The following CDH26 variants were observed in gnomAD, a reference collection of about 807,000 sequenced individuals.
CDH26 encodes cadherin-like protein 26.
CDH26 carries 83 observed loss-of-function variants against 90.3 expected under a neutral mutation model. The ratio of observed to expected loss-of-function variants is 0.92; its 90% confidence interval spans 0.77 to 1.10. CDH26 has a LOEUF of 1.10. Ranked by LOEUF, CDH26 falls within the 50% of genes least tolerant of loss-of-function variation. The pLI is 0.00. For missense variants in CDH26, 1,013 were observed against 1,037.6 expected, an observed-to-expected ratio of 0.98 and a Z score of 0.33; for synonymous variants, 397 against 396.3, an observed-to-expected ratio of 1.00 and a Z score of -0.02.
chr20:60,015,689 T>G (rs1190604339), downstream of CDH26, among the ~76,000 whole-genome samples: 7 of 152,128 alleles, frequency 4.6e-5, no homozygotes, highest in African/African-American at 1.7e-4. Context: ...TACTCATAAG[T>G]TTTTTTACAA....
downstream of CDH26, among the ~76,000 whole-genome samples, chr20:60,017,655 T>C (rs1481782613): frequency 1.3e-5 from 2 of 152,034 alleles, no homozygotes; most frequent in Non-Finnish European, 1.5e-5. Context: ...ATTTTGGGTT[T>C]CATTTCTTCT....
Position 59,994,233 on chromosome 20 carries a change from C to T in CDH26, c.1427-17C>T, listed in dbSNP as rs1349987661. On this transcript the variant is annotated splice_polypyrimidine_tract_variant and intron_variant, in intron 10 of 17. Transcript: ENST00000348616. ...TGCACGAGATAAACAACTCCTGAAA[C>T]TTCCTCCCCATACAAGGCTTCCCAC... 3.1e-6 allele frequency: 5 copies of T among 1,613,530 alleles called. No individual in the cohort carries two copies. The highest frequency in any genetic ancestry group is 1.3e-5 in the African/African-American group (1 of 74,820).
intron 5 of CDH26, among the ~76,000 whole-genome samples, chr20:59,983,913 T>A (rs1223418445): frequency 6.6e-6 from 1 of 152,248 alleles, no homozygotes; most frequent in Non-Finnish European, 1.5e-5. Flanking sequence ...ATTTTATGGA[T>A]GTGCTTTAAA....
chr20:60,019,439 A>G (rs1189622394), downstream of CDH26, among the ~76,000 whole-genome samples: 1 of 152,144 alleles, frequency 6.6e-6, no homozygotes, highest in African/African-American at 2.4e-5. Flanking sequence ...ACTTGTCTTC[A>G]AGTTCAGAAA....
At chr20:60,007,105 T>G (rs1156602560) in intron 17 of CDH26, among the ~76,000 whole-genome samples, 1 of 152,164 alleles carries the variant, frequency 6.6e-6, no homozygotes, top group African/African-American at 2.4e-5. Flanking sequence ...CCCTGGTATC[T>G]CTTCTTATTA....
intron 17 of CDH26, among the ~76,000 whole-genome samples, chr20:60,010,183 T>TGGGGC (rs1223519265): frequency 7.9e-6 from 1 of 126,970 alleles, no homozygotes; most frequent in East Asian, 2.6e-4. Context: ...AGTCACTGGG[T>TGGGGC]GGGGCGGGGC....
At chr20:59,962,771 G>C (rs2061093339) in intron 1 of CDH26, among the ~76,000 whole-genome samples, 1 of 152,206 alleles carries the variant, frequency 6.6e-6, no homozygotes, top group Non-Finnish European at 1.5e-5. Flanking sequence ...TTGGGGTGGA[G>C]GCAGAGAAGA....
intron 1 of CDH26, among the ~76,000 whole-genome samples, chr20:59,960,533 C>A (rs760589967): frequency 6.6e-6 from 1 of 152,166 alleles, no homozygotes; most frequent in Non-Finnish European, 1.5e-5. Flanking sequence ...AACAACTTTG[C>A]ACAAAGGCCG....
intron 16 of CDH26, among the ~76,000 whole-genome samples, chr20:60,004,505 G>A (rs958030501): frequency 7.2e-5 from 11 of 152,044 alleles, no homozygotes; most frequent in African/African-American, 2.4e-4. Flanking sequence ...CGTGGCTCAC[G>A]TCTGTAATCC....
At chr20:59,976,011 T>C (rs906577228) in intron 4 of CDH26, among the ~76,000 whole-genome samples, 14 of 152,354 alleles carry the variant, frequency 9.2e-5, no homozygotes, top group African/African-American at 2.9e-4. Flanking sequence ...TCTATTTATA[T>C]CAAAATATGC....
intron 7 of CDH26, among the ~76,000 whole-genome samples, chr20:60,026,297 A>AT (rs1427784105): frequency 1.3e-5 from 2 of 151,934 alleles, no homozygotes; most frequent in African/African-American, 4.8e-5. Flanking sequence ...TAACCAGCTG[A>AT]TTGTAAAATA....
At chr20:59,980,054 C>T (rs2061377058) in intron 4 of CDH26, among the ~76,000 whole-genome samples, 2 of 152,162 alleles carry the variant, frequency 1.3e-5, no homozygotes, top group African/African-American at 2.4e-5. Flanking sequence ...CTCAGAATAA[C>T]TGAACAATTT....
intron 4 of CDH26, among the ~76,000 whole-genome samples, chr20:59,979,302 A>G (rs1290816809): frequency 1.3e-5 from 2 of 150,408 alleles, no homozygotes; most frequent in African/African-American, 2.5e-5. Context: ...AGGTTCAAGC[A>G]ATTCTCCTGC....
At chr20:59,960,845 C>T (rs2061061228) in intron 1 of CDH26, among the ~76,000 whole-genome samples, 1 of 152,206 alleles carries the variant, frequency 6.6e-6, no homozygotes, top group Non-Finnish European at 1.5e-5. Context: ...AACGACCCAG[C>T]CGTTTTTCTA....
chr20:60,017,695 T>G (rs2061917228), downstream of CDH26, among the ~76,000 whole-genome samples: 1 of 152,084 alleles, frequency 6.6e-6, no homozygotes, highest in Non-Finnish European at 1.5e-5. Flanking sequence ...GATACATTAT[T>G]AAATTGCTCA....
At chr20:60,007,601 A>C (rs1474003539) in intron 17 of CDH26, among the ~76,000 whole-genome samples, 1 of 152,172 alleles carries the variant, frequency 6.6e-6, no homozygotes, top group African/African-American at 2.4e-5. Flanking sequence ...ACTTTCTAGG[A>C]CAGCAGTGAT....
chr20:59,972,950 G>A (rs1406616260), intron 4 of CDH26, among the ~76,000 whole-genome samples: 2 of 152,200 alleles, frequency 1.3e-5, no homozygotes, highest in Non-Finnish European at 2.9e-5. Flanking sequence ...TTAAATCGGT[G>A]AAAATTGTTC....
intron 1 of CDH26, among the ~76,000 whole-genome samples, chr20:59,965,884 G>A (rs1395123183): frequency 2.0e-5 from 3 of 152,146 alleles, no homozygotes; most frequent in African/African-American, 7.2e-5. Context: ...CATGATTTTA[G>A]AACATGATGT....
chr20:60,029,704 C>G (rs1185171697), intron 7 of CDH26, among the ~76,000 whole-genome samples: 2 of 151,986 alleles, frequency 1.3e-5, no homozygotes, highest in Non-Finnish European at 2.9e-5. Flanking sequence ...TCTCATTGCT[C>G]GACTCCCAGT....
Sources: allele counts gnomAD v4.1 joint callset (sites outside exome capture counted in the v4.1 genomes callset), GRCh38; gene constraint gnomAD v4.1.1; transcripts MANE v1.5; gene names NCBI Gene and HGNC (gene_info 2026-07-23, HGNC 2026-07-21).